Variants in CRY1 observed in about 807,000 individuals in gnomAD.
CRY1 encodes the protein cryptochrome circadian regulator 1.
In CRY1, 45 loss-of-function variants were observed where a neutral mutation model predicts 76.0. That is an observed-to-expected ratio of 0.59 (90% CI 0.47 to 0.76). CRY1 has a LOEUF of 0.76. Ranked by LOEUF, CRY1 falls within the 30% of genes least tolerant of loss-of-function variation. The pLI is 0.00. For missense variants in CRY1, 587 were observed against 716.4 expected, an observed-to-expected ratio of 0.82 and a Z score of 2.06; for synonymous variants, 248 against 244.0, an observed-to-expected ratio of 1.02 and a Z score of -0.15.
chr12:107,064,939 A>C (rs1001932396), intron 1 of CRY1, among the ~76,000 whole-genome samples: 1 of 152,202 alleles, frequency 6.6e-6, no homozygotes, highest in South Asian at 2.1e-4. Context: ...CTGGACAATG[A>C]TATCAAGCCA....
chr12:106,999,664 C>T lies in CRY1; in HGVS notation c.1024G>A (p.Ala342Thr). Reference protein sequence around the residue: ...EGRTGFPWIDAIMTQLRQEGW... With the variant: ...EGRTGFPWIDTIMTQLRQEGW... ...TCCTGACGAAGCTGTGTCATGATGG[C>T]ATCAATCCATGGAAAGCCTGTCCGG... The change falls in exon 7 of 13, where the codon GCC becomes ACC. Residue 342 changes from alanine to threonine, a missense_variant. Ala to Thr is a moderately conservative substitution (Grantham distance 58). Coordinates refer to ENST00000008527, the MANE Select transcript of CRY1 (RefSeq NM_004075.5). The T allele has an allele frequency of 6.2e-7, 1 of 1,614,274 alleles. No individual in the cohort carries two copies. The highest frequency in any genetic ancestry group is 8.5e-7 in the Non-Finnish European group (1 of 1,180,050).
intron 2 of CRY1, among the ~76,000 whole-genome samples, chr12:107,021,842 TG>T (rs918972757): frequency 6.6e-6 from 1 of 152,170 alleles, no homozygotes; most frequent in African/African-American, 2.4e-5. Flanking sequence ...CTGTTGCTTC[TG>T]GGAGGGCAAC....
chr12:107,007,365 C>T (rs1952386754), intron 2 of CRY1, among the ~76,000 whole-genome samples: 1 of 152,018 alleles, frequency 6.6e-6, no homozygotes, highest in South Asian at 2.1e-4. Context: ...AGAGAGAGTG[C>T]CTAGCACGTA....
chr12:107,045,849 T>A (rs890585783), intron 1 of CRY1, among the ~76,000 whole-genome samples: 3 of 152,122 alleles, frequency 2.0e-5, no homozygotes, highest in African/African-American at 7.2e-5. Context: ...TTAGGAGATA[T>A]ACCTAATGTA....
intron 1 of CRY1, among the ~76,000 whole-genome samples, chr12:107,092,325 T>C (rs1953481369): frequency 6.6e-6 from 1 of 152,186 alleles, no homozygotes; most frequent in Non-Finnish European, 1.5e-5. Context: ...TTTCCCTTGC[T>C]TTTCCCACAG....
chr12:106,998,665 C>CACACACAT (rs1952261082), intron 7 of CRY1, among the ~76,000 whole-genome samples: 1 of 148,906 alleles, frequency 6.7e-6, no homozygotes, highest in African/African-American at 2.6e-5. Flanking sequence ...ATTAAACACA[C>CACACACAT]ACACACACAC....
At chr12:107,080,697 A>G (rs764688639) in intron 1 of CRY1, among the ~76,000 whole-genome samples, 4 of 152,140 alleles carry the variant, frequency 2.6e-5, no homozygotes, top group Non-Finnish European at 4.4e-5. Flanking sequence ...GAATGGGCAG[A>G]TTTAAAGTAT....
intron 1 of CRY1, among the ~76,000 whole-genome samples, chr12:107,083,601 T>C (rs1240355145): frequency 6.6e-6 from 1 of 152,124 alleles, no homozygotes; most frequent in Non-Finnish European, 1.5e-5. Flanking sequence ...CACACAATTA[T>C]CTCAATAGAT....
At chr12:107,045,263 C>G (rs987345566) in intron 1 of CRY1, among the ~76,000 whole-genome samples, 2 of 151,974 alleles carry the variant, frequency 1.3e-5, no homozygotes, top group Admixed American at 1.3e-4. Flanking sequence ...CCAAAAATAC[C>G]ATACTCAGCA....
At chr12:107,045,873 T>C (rs1225603929) in intron 1 of CRY1, among the ~76,000 whole-genome samples, 1 of 152,104 alleles carries the variant, frequency 6.6e-6, no homozygotes, top group Non-Finnish European at 1.5e-5. Flanking sequence ...GATAAGTTAA[T>C]GGGTGCAGCA....
At chr12:106,994,851 A>G in intron 10 of CRY1, among the ~76,000 whole-genome samples, 1 of 152,240 alleles carries the variant, frequency 6.6e-6, no homozygotes, top group Non-Finnish European at 1.5e-5. Context: ...TGTGAACTGA[A>G]CAAGAGATCT....
chr12:107,015,607 T>C (rs1364970735), intron 2 of CRY1, among the ~76,000 whole-genome samples: 5 of 152,216 alleles, frequency 3.3e-5, no homozygotes, highest in Admixed American at 3.3e-4. Context: ...CGTAGTTACC[T>C]TTGAATTTCA....
At chr12:107,059,354 T>A (rs1695105654) in intron 1 of CRY1, among the ~76,000 whole-genome samples, 2 of 152,140 alleles carry the variant, frequency 1.3e-5, no homozygotes, top group Admixed American at 6.5e-5. Flanking sequence ...CTGGCTCAAG[T>A]GGCCCTTCTG....
intron 1 of CRY1, among the ~76,000 whole-genome samples, chr12:107,033,748 G>A (rs1178949724): frequency 3.3e-5 from 5 of 151,558 alleles, no homozygotes; most frequent in Non-Finnish European, 2.9e-5. Flanking sequence ...AAGGGTACCC[G>A]TAAAAATACT....
At chr12:107,072,330 A>G (rs1459019209) in intron 1 of CRY1, among the ~76,000 whole-genome samples, 1 of 152,228 alleles carries the variant, frequency 6.6e-6, no homozygotes, top group Admixed American at 6.5e-5. Flanking sequence ...CAGAGGAGAA[A>G]GAATGAAAGT....
intron 1 of CRY1, among the ~76,000 whole-genome samples, chr12:107,036,746 T>G: frequency 6.6e-6 from 1 of 152,142 alleles, no homozygotes; most frequent in South Asian, 2.1e-4. Context: ...ATGCCAGAAA[T>G]GCTCCTACTT....
intron 1 of CRY1, among the ~76,000 whole-genome samples, chr12:107,064,015 A>G (rs1953081455): frequency 6.6e-6 from 1 of 152,210 alleles, no homozygotes; most frequent in Non-Finnish European, 1.5e-5. Flanking sequence ...GATCTGGGGT[A>G]GAAACTGAGA....
intron 1 of CRY1, among the ~76,000 whole-genome samples, chr12:107,033,106 G>T (rs1363394430): frequency 6.6e-6 from 1 of 151,946 alleles, no homozygotes; most frequent in Admixed American, 6.6e-5. Flanking sequence ...GGGATTAAAC[G>T]GAAAATAAAT....
intron 1 of CRY1, among the ~76,000 whole-genome samples, chr12:107,054,504 T>C (rs1593527939): frequency 6.6e-6 from 1 of 151,278 alleles, no homozygotes; most frequent in Non-Finnish European, 1.5e-5. Flanking sequence ...CAAAATAATA[T>C]GACAATAAAT....
Sources: allele counts gnomAD v4.1 joint callset (sites outside exome capture counted in the v4.1 genomes callset), GRCh38; gene constraint gnomAD v4.1.1; transcripts MANE v1.5; gene names NCBI Gene and HGNC (gene_info 2026-07-23, HGNC 2026-07-21).